ARHGAP24: variants seen among roughly 807,000 people sequenced by gnomAD.
ARHGAP24 encodes the protein Rho GTPase activating protein 24.
ARHGAP24 carries 50 observed loss-of-function variants against 76.4 expected under a neutral mutation model. That is an observed-to-expected ratio of 0.65 (90% CI 0.52 to 0.83). The LOEUF is 0.83. ARHGAP24 is among the 40% of genes least tolerant of loss of function. The pLI is 0.00. For missense variants in ARHGAP24, 930 were observed against 914.2 expected, an observed-to-expected ratio of 1.02 and a Z score of -0.22; for synonymous variants, 345 against 323.3, an observed-to-expected ratio of 1.07 and a Z score of -0.72.
intron 1 of ARHGAP24, among the ~76,000 whole-genome samples, chr4:85,487,112 T>G (rs1224556080): frequency 6.8e-6 from 1 of 147,562 alleles, no homozygotes; most frequent in Non-Finnish European, 1.5e-5. Context: ...ATCTTACTTC[T>G]TGCATTTGTC....
At chr4:85,544,124 C>A (rs1253283036) in intron 1 of ARHGAP24, among the ~76,000 whole-genome samples, 2 of 152,160 alleles carry the variant, frequency 1.3e-5, no homozygotes, top group Admixed American at 1.3e-4. Flanking sequence ...GTTTCTGAGT[C>A]CATAAGGGGC....
In ARHGAP24 at chr4:85,721,938, G is replaced by A. The variant is rs1408551925; in HGVS notation, c.234G>A (p.Glu78=). 6.2e-7 allele frequency: 1 copy of A among 1,613,500 alleles called. No homozygotes were observed. The highest frequency in any genetic ancestry group is 8.5e-7 in the Non-Finnish European group (1 of 1,179,640). ...TTTCTGAGCATCCCTGCAATGAAGA[G>A]AACCCAGGGAAGTTCCTTTTTGAAG... ...NKVSEHPCNE[E]NPGKFLFEVV... Residue 78 remains glutamate, a synonymous_variant, in exon 3 of 10, where the codon GAG becomes GAA. Transcript: ENST00000395184.
chr4:85,866,243 G>A (rs1448506999), intron 3 of ARHGAP24, among the ~76,000 whole-genome samples: 2 of 152,144 alleles, frequency 1.3e-5, no homozygotes, highest in Non-Finnish European at 2.9e-5. Flanking sequence ...CAACCTGTCA[G>A]TGACAAAGAC....
chr4:85,635,982 C>T (rs1328063932), intron 2 of ARHGAP24, among the ~76,000 whole-genome samples: 1 of 151,808 alleles, frequency 6.6e-6, no homozygotes, highest in Non-Finnish European at 1.5e-5. Context: ...CTTCACTCTT[C>T]CTTCTTTAGA....
At chr4:85,588,248 C>G (rs1578058794) in intron 2 of ARHGAP24, among the ~76,000 whole-genome samples, 1 of 152,176 alleles carries the variant, frequency 6.6e-6, no homozygotes, top group African/African-American at 2.4e-5. Flanking sequence ...TTCACAGAAG[C>G]CTGCTGTTGC....
At chr4:85,550,192 A>G (rs1446031351) in intron 1 of ARHGAP24, among the ~76,000 whole-genome samples, 2 of 152,214 alleles carry the variant, frequency 1.3e-5, no homozygotes, top group African/African-American at 4.8e-5. Context: ...GCTTTTCACA[A>G]TGGCCGAACA....
intron 5 of ARHGAP24, among the ~76,000 whole-genome samples, chr4:85,956,921 A>G (rs1560744887): frequency 6.6e-6 from 1 of 152,194 alleles, no homozygotes; most frequent in Non-Finnish European, 1.5e-5. Flanking sequence ...GAGGGGACCC[A>G]AAGAGGGTAG....
chr4:85,833,385 T>C (rs946680743), intron 3 of ARHGAP24, among the ~76,000 whole-genome samples: 1 of 152,196 alleles, frequency 6.6e-6, no homozygotes, highest in Non-Finnish European at 1.5e-5. Context: ...GGATTTTTTT[T>C]TCTATTTTAC....
At chr4:85,550,905 G>A (rs925596323) in intron 1 of ARHGAP24, among the ~76,000 whole-genome samples, 1 of 152,186 alleles carries the variant, frequency 6.6e-6, no homozygotes, top group Non-Finnish European at 1.5e-5. Flanking sequence ...TGCTGAAGTT[G>A]TTTATTAGAT....
At chr4:85,663,783 G>A (rs1177754764) in intron 2 of ARHGAP24, among the ~76,000 whole-genome samples, 1 of 151,664 alleles carries the variant, frequency 6.6e-6, no homozygotes, top group Non-Finnish European at 1.5e-5. Context: ...TACTCATGTG[G>A]TTTTTGTCTT....
chr4:85,551,146 T>C (rs930197415), intron 1 of ARHGAP24, among the ~76,000 whole-genome samples: 1 of 152,236 alleles, frequency 6.6e-6, no homozygotes, highest in Non-Finnish European at 1.5e-5. Flanking sequence ...GTCCATTCAG[T>C]ATGATGTTTG....
chr4:85,872,198 A>G (rs948341511), intron 3 of ARHGAP24, among the ~76,000 whole-genome samples: 4 of 152,082 alleles, frequency 2.6e-5, no homozygotes, highest in African/African-American at 9.7e-5. Flanking sequence ...CACAAATGCA[A>G]TTGAATTTCA....
intron 2 of ARHGAP24, among the ~76,000 whole-genome samples, chr4:85,632,660 G>C (rs1380184766): frequency 6.7e-6 from 1 of 150,234 alleles, no homozygotes; most frequent in Non-Finnish European, 1.5e-5. Context: ...CAGTCTAGCT[G>C]CCAAGTCTGC....
At chr4:85,911,668 A>C (rs1735093210) in intron 3 of ARHGAP24, among the ~76,000 whole-genome samples, 1 of 152,298 alleles carries the variant, frequency 6.6e-6, no homozygotes, top group East Asian at 1.9e-4. Flanking sequence ...GGTGGAAAGG[A>C]GTTCCTGAAA....
At chr4:85,625,480 T>TC (rs1720910433) in intron 2 of ARHGAP24, among the ~76,000 whole-genome samples, 1 of 151,702 alleles carries the variant, frequency 6.6e-6, no homozygotes, top group African/African-American at 2.4e-5. Context: ...CTGAGGAGAG[T>TC]TTTACTTCCA....
At chr4:85,564,922 CGGTATATATATATATATATATATATATA>C (rs1726765096) in intron 1 of ARHGAP24, among the ~76,000 whole-genome samples, 2 of 79,040 alleles carry the variant, frequency 2.5e-5, no homozygotes, top group Admixed American at 1.5e-4. Flanking sequence ...AGAACACACA[CGGTATATATATATATATATATATATATA>C]TATATATATA....
chr4:85,792,649 T>A (rs1456183906), intron 3 of ARHGAP24, among the ~76,000 whole-genome samples: 1 of 152,202 alleles, frequency 6.6e-6, no homozygotes, highest in East Asian at 1.9e-4. Context: ...TCAGGCAATT[T>A]CTCTCCTTGA....
chr4:85,874,569 A>G (rs1252022239), intron 3 of ARHGAP24, among the ~76,000 whole-genome samples: 1 of 151,678 alleles, frequency 6.6e-6, no homozygotes, highest in Non-Finnish European at 1.5e-5. Flanking sequence ...CTGCTTCAAA[A>G]CGTTAGTATT....
intron 2 of ARHGAP24, among the ~76,000 whole-genome samples, chr4:85,598,128 T>C (rs1369677159): frequency 1.3e-5 from 2 of 152,060 alleles, no homozygotes; most frequent in Non-Finnish European, 2.9e-5. Flanking sequence ...CAAAAAAATA[T>C]AGAAACATCA....
Sources: gnomAD v4.1 joint callset for allele counts (sites outside exome capture counted in the v4.1 genomes callset) on GRCh38, gnomAD v4.1.1 for gene constraint, MANE v1.5 for transcripts, NCBI Gene and HGNC (gene_info 2026-07-23, HGNC 2026-07-21) for gene names.